Variants in GPR158 observed in about 807,000 individuals in gnomAD.
GPR158 encodes G protein-coupled receptor 158, also known as metabotropic glycine receptor.
GPR158 carries 30 observed loss-of-function variants against 78.2 expected under a neutral mutation model. That is an observed-to-expected ratio of 0.38 (90% CI 0.29 to 0.52). The LOEUF is 0.52. Among genes scored for constraint, GPR158 ranks in the 20% least tolerant of loss-of-function variants. GPR158 has a pLI of 0.83. For missense variants in GPR158, 1,463 were observed against 1,523.5 expected, an observed-to-expected ratio of 0.96 and a Z score of 0.66; for synonymous variants, 581 against 591.1, an observed-to-expected ratio of 0.98 and a Z score of 0.25.
intron 4 of GPR158, among the ~76,000 whole-genome samples, chr10:25,415,769 A>G (rs1834649801): frequency 6.6e-6 from 1 of 152,132 alleles, no homozygotes. Flanking sequence ...ATATTGTATC[A>G]TTTCATTTAA....
chr10:25,207,161 A>C (rs964844800), intron 1 of GPR158, among the ~76,000 whole-genome samples: 2 of 152,070 alleles, frequency 1.3e-5, no homozygotes. Flanking sequence ...GATCGCTGCA[A>C]AACACAACCC....
chr10:25,223,013 C>T (rs1469489350), intron 2 of GPR158, among the ~76,000 whole-genome samples: 1 of 152,246 alleles, frequency 6.6e-6, no homozygotes, highest in East Asian at 1.9e-4. Context: ...ATTTTCATTG[C>T]ATCAGGATGA....
chr10:25,214,144 G>C (rs1187909038), intron 1 of GPR158, among the ~76,000 whole-genome samples: 2 of 151,858 alleles, frequency 1.3e-5, no homozygotes, highest in African/African-American at 4.8e-5. Flanking sequence ...ACAGGCGCCC[G>C]ACACCACGCC....
chr10:25,210,801 A>G (rs772729747), intron 1 of GPR158, among the ~76,000 whole-genome samples: 2 of 152,162 alleles, frequency 1.3e-5, no homozygotes, highest in African/African-American at 2.4e-5. Flanking sequence ...CCAATATGTC[A>G]TCTTTCAGTT....
At chr10:25,546,117 T>A (rs1836658924) in intron 5 of GPR158, among the ~76,000 whole-genome samples, 1 of 152,172 alleles carries the variant, frequency 6.6e-6, no homozygotes, top group African/African-American at 2.4e-5. Context: ...ATGACCACTG[T>A]GTCTTGTTAG....
intron 2 of GPR158, among the ~76,000 whole-genome samples, chr10:25,264,623 C>T (rs1854018012): frequency 6.6e-6 from 1 of 152,168 alleles, no homozygotes; most frequent in African/African-American, 2.4e-5. Flanking sequence ...TCATTCAAAG[C>T]CACTAACCTT....
chr10:25,248,596 C>G (rs1283307769), intron 2 of GPR158, among the ~76,000 whole-genome samples: 1 of 150,956 alleles, frequency 6.6e-6, no homozygotes, highest in African/African-American at 2.4e-5. Context: ...TCTTGTTTTT[C>G]TCAGGTTTGT....
intron 5 of GPR158, among the ~76,000 whole-genome samples, chr10:25,542,530 GTTC>G (rs537169706): frequency 4.0e-3 from 616 of 152,152 alleles, no homozygotes; most frequent in Non-Finnish European, 7.2e-3. Context: ...TGTTAAAAAT[GTTC>G]TTCTATGGGC....
intron 5 of GPR158, among the ~76,000 whole-genome samples, chr10:25,491,962 G>A (rs1835816200): frequency 6.6e-6 from 1 of 152,156 alleles, no homozygotes; most frequent in African/African-American, 2.4e-5. Flanking sequence ...GAATACCTGA[G>A]GCTGGGTAAT....
intron 2 of GPR158, among the ~76,000 whole-genome samples, chr10:25,242,709 ATTAT>A (rs1452460619): frequency 2.0e-5 from 3 of 152,152 alleles, no homozygotes; most frequent in African/African-American, 7.2e-5. Context: ...TGGAATGAAA[ATTAT>A]TTATTTTAGC....
intron 2 of GPR158, among the ~76,000 whole-genome samples, chr10:25,306,167 AT>A (rs1854674371): frequency 6.6e-6 from 1 of 152,052 alleles, no homozygotes; most frequent in African/African-American, 2.4e-5. Flanking sequence ...CTAAAATTCC[AT>A]TTTTACAAGA....
chr10:25,240,266 T>C (rs1383099093), intron 2 of GPR158, among the ~76,000 whole-genome samples: 6 of 152,196 alleles, frequency 3.9e-5, no homozygotes, highest in Non-Finnish European at 4.4e-5. Context: ...CACAGCACTT[T>C]GGGAGGCTGA....
At chr10:25,225,183 C>CTTTTTTTTTTTT (rs60603738) in intron 2 of GPR158, among the ~76,000 whole-genome samples, 4,049 of 134,246 alleles carry the variant, frequency 0.03, 253 homozygotes, top group African/African-American at 0.11. Context: ...GAACATTTGC[C>CTTTTTTTTTTTT]TTTTTTTTTT....
chr10:25,405,344 ATAC>A (rs2130540541), intron 3 of GPR158, among the ~76,000 whole-genome samples: 1 of 152,108 alleles, frequency 6.6e-6, no homozygotes, highest in South Asian at 2.1e-4. Flanking sequence ...ATTGCAAAAG[ATAC>A]TTTTTTTTAA....
chr10:25,241,373 T>TC (rs1269736793), intron 2 of GPR158, among the ~76,000 whole-genome samples: 4 of 28,322 alleles, frequency 1.4e-4, no homozygotes, highest in African/African-American at 1.9e-4. Flanking sequence ...TTTTCTTTTC[T>TC]CTCTTCTCTT....
intron 2 of GPR158, among the ~76,000 whole-genome samples, chr10:25,368,566 T>C (rs1043002561): frequency 1.3e-5 from 2 of 151,816 alleles, no homozygotes; most frequent in African/African-American, 4.8e-5. Flanking sequence ...ATGGCTATTA[T>C]TAAAAGTCAA....
At chr10:25,277,719 G>A (rs752073033) in intron 2 of GPR158, among the ~76,000 whole-genome samples, 12 of 152,094 alleles carry the variant, frequency 7.9e-5, no homozygotes, top group Non-Finnish European at 1.6e-4. Context: ...GCTAAACCTG[G>A]ACCCTCAAAG....
At chr10:25,295,746 C>T (rs1854503575) in intron 2 of GPR158, among the ~76,000 whole-genome samples, 1 of 152,144 alleles carries the variant, frequency 6.6e-6, no homozygotes, top group Non-Finnish European at 1.5e-5. Flanking sequence ...CAAATAAAAC[C>T]TGAAAAAACT....
intron 4 of GPR158, among the ~76,000 whole-genome samples, chr10:25,426,789 GC>G (rs2130569467): frequency 9.3e-6 from 1 of 107,888 alleles, no homozygotes; most frequent in Admixed American, 8.9e-5. Context: ...GTGAGCACAT[GC>G]TGTTGGAAGA....
Sources: gnomAD v4.1 joint callset for allele counts (sites outside exome capture counted in the v4.1 genomes callset) on GRCh38, gnomAD v4.1.1 for gene constraint, MANE v1.5 for transcripts, NCBI Gene and HGNC (gene_info 2026-07-23, HGNC 2026-07-21) for gene names.